The following SETBP1 variants were observed in gnomAD, a reference collection of about 807,000 sequenced individuals.
SETBP1 encodes the protein SET-binding protein.
SETBP1 carries 9 observed loss-of-function variants against 101.0 expected under a neutral mutation model. The observed-to-expected ratio is 0.09, with a 90% confidence interval of 0.05 to 0.16. The LOEUF (loss-of-function observed/expected upper bound fraction) is 0.16. SETBP1 is among the 10% of genes least tolerant of loss of function. The probability of loss-of-function intolerance (pLI) is 1.00; values close to 1 mark genes in which losing one functional copy is unlikely to be tolerated. For missense variants in SETBP1, 1,858 were observed against 2,033.8 expected (o/e 0.91, Z 1.66); for synonymous variants, 818 against 788.5 (o/e 1.04, Z -0.63).
intron 2 of SETBP1, among the ~76,000 whole-genome samples, chr18:44,849,691 AG>A (rs2072806717): frequency 6.6e-6 from 1 of 151,750 alleles, no homozygotes; most frequent in African/African-American, 2.4e-5. Context: ...AGAGAGAGAG[AG>A]AGGAGTTCAG....
Position 44,843,766 on chromosome 18 carries a change from C to T in SETBP1, c.487-25464C>T, listed in dbSNP as rs1375719320. Among the ~76,000 whole-genome samples the T allele has an allele frequency of 2.0e-5, 3 of 152,174 alleles. No individual in the cohort carries two copies. In the East Asian group the frequency reaches 5.8e-4, roughly 29 times the overall value. On this transcript the variant is annotated intron_variant, in intron 2 of 5. Transcript: ENST00000649279. ...GAAAGGTGATTCATGGTTTATCCAT[C>T]AGTTTCTCACGTGAGGCTAGGCACA... is the stretch of plus-strand genomic sequence containing the variant.
intron 3 of SETBP1, among the ~76,000 whole-genome samples, chr18:44,945,071 A>G (rs961388036): frequency 2.0e-5 from 3 of 152,212 alleles, no homozygotes; most frequent in Admixed American, 6.5e-5. Flanking sequence ...ACATATGTAT[A>G]CATGTGCCAT....
chr18:44,938,597 CG>C (rs1379667485), intron 3 of SETBP1, among the ~76,000 whole-genome samples: 1 of 152,140 alleles, frequency 6.6e-6, no homozygotes, highest in East Asian at 1.9e-4. Context: ...ACAGAGGAGG[CG>C]GGGCAGTGTT....
intron 4 of SETBP1, among the ~76,000 whole-genome samples, chr18:44,971,925 G>T (rs1205189071): frequency 6.6e-6 from 1 of 152,204 alleles, no homozygotes; most frequent in East Asian, 1.9e-4. Context: ...CATTGCTTTT[G>T]GTGTTTTAGA....
chr18:44,729,430 TTAA>T (rs2069786775), intron 2 of SETBP1, among the ~76,000 whole-genome samples: 1 of 152,212 alleles, frequency 6.6e-6, no homozygotes, highest in Non-Finnish European at 1.5e-5. Flanking sequence ...ATAAAAGGCA[TTAA>T]GCAGGTAGCA....
chr18:44,878,531 G>C (rs2069461024), intron 3 of SETBP1, among the ~76,000 whole-genome samples: 1 of 152,088 alleles, frequency 6.6e-6, no homozygotes, highest in Non-Finnish European at 1.5e-5. Flanking sequence ...ACATGACTGT[G>C]CTTTATATAT....
chr18:44,739,695 A>G (rs781170934), intron 2 of SETBP1, among the ~76,000 whole-genome samples: 27 of 152,354 alleles, frequency 1.8e-4, no homozygotes, highest in Non-Finnish European at 3.8e-4. Context: ...ACTTGTATCA[A>G]ATGAATGACA....
At chr18:44,796,337 G>A (rs952250608) in intron 2 of SETBP1, among the ~76,000 whole-genome samples, 13 of 152,198 alleles carry the variant, frequency 8.5e-5, no homozygotes, top group African/African-American at 2.7e-4. Context: ...GAGCTAGAAC[G>A]GTTCCTGCCT....
At chr18:44,811,553 C>G (rs866267092) in intron 2 of SETBP1, among the ~76,000 whole-genome samples, 1 of 152,210 alleles carries the variant, frequency 6.6e-6, no homozygotes, top group Non-Finnish European at 1.5e-5. Flanking sequence ...GACTCTGTAA[C>G]CTGTACCTGC....
Position 44,951,590 on chromosome 18 carries a change from G to A in SETBP1, c.2250G>A (p.Arg750=), listed in dbSNP as rs758841783. 1 of 1,614,100 alleles carries A rather than the reference G, an allele frequency of 6.2e-7. No individual in the cohort carries two copies. Among genetic ancestry groups the A allele is most frequent in the Non-Finnish European group, 8.5e-7 (1 of 1,180,014 alleles). Residue 750 remains arginine (R), a synonymous_variant, in exon 4 of 6, where the codon AGG becomes AGA. Coordinates refer to ENST00000649279, the MANE Select transcript of SETBP1 (RefSeq NM_015559.3). The surrounding 1 kb of genome is among the most constrained non-coding windows in gnomAD (Gnocchi z 7.8). ...EEPKTAIKHP[R]PVSSQPDVPA... is the part of the protein sequence containing the mutation. ...CCAAAACAGCCATCAAGCACCCCAG[G>A]CCTGTTTCTAGCCAGCCGGATGTTC...
chr18:44,996,344 C>T (rs544777255), intron 4 of SETBP1, among the ~76,000 whole-genome samples: 62 of 152,336 alleles, frequency 4.1e-4, no homozygotes, highest in African/African-American at 1.5e-3. Context: ...TCTCCATCTA[C>T]AAGGTACTTA....
intron 2 of SETBP1, among the ~76,000 whole-genome samples, chr18:44,754,221 T>G (rs1305914092): frequency 6.6e-6 from 1 of 152,198 alleles, no homozygotes; most frequent in Non-Finnish European, 1.5e-5. Context: ...TGAGAGCTAC[T>G]CTCTTTATGC....
intron 2 of SETBP1, among the ~76,000 whole-genome samples, chr18:44,723,848 C>T (rs2069654115): frequency 6.6e-6 from 1 of 152,092 alleles, no homozygotes; most frequent in South Asian, 2.1e-4. Flanking sequence ...TTTGAGAACC[C>T]AGCTAAATAA....
chr18:45,005,669 C>T (rs2072708558), intron 4 of SETBP1, among the ~76,000 whole-genome samples: 1 of 123,096 alleles, frequency 8.1e-6, no homozygotes, highest in African/African-American at 3.2e-5. Flanking sequence ...TTTTTTGAGA[C>T]AGAGTCTTGC....
At chr18:45,045,012 G>A (rs1384204465) in intron 5 of SETBP1, among the ~76,000 whole-genome samples, 4 of 152,120 alleles carry the variant, frequency 2.6e-5, no homozygotes, top group Admixed American at 6.5e-5. Flanking sequence ...GGCCAGGTGC[G>A]GTGGCTTATG....
At chr18:44,808,386 G>A (rs1327085494) in intron 2 of SETBP1, among the ~76,000 whole-genome samples, 1 of 152,166 alleles carries the variant, frequency 6.6e-6, no homozygotes, top group African/African-American at 2.4e-5. Context: ...TAGTTCAACT[G>A]ACATTTACCA....
Position 45,063,482 on chromosome 18 carries a change from ACCGCCGCCGCCCCTGCCGCCACCG to A in SETBP1, c.4581_4604del (p.Pro1536_Pro1543del). On this transcript the variant is annotated inframe_deletion, in exon 6 of 6. Coordinates refer to ENST00000649279, the MANE Select transcript of SETBP1 (RefSeq NM_015559.3). ...GGGAGGCGCCGCCCCTGCCCCCGCC[ACCGCCGCCGCCCCTGCCGCCACCG>A]CCGCCACCACCCCTGCCCCCGCCAC... is the stretch of plus-strand genomic sequence containing the variant. 2 of 958,652 alleles carry A rather than the reference ACCGCCGCCGCCCCTGCCGCCACCG, an allele frequency of 2.1e-6. No homozygotes were observed. The highest frequency in any genetic ancestry group is 2.6e-6 in the Non-Finnish European group (2 of 777,600). 59.4% of individuals were successfully genotyped at this position (958,652 alleles called of 1,614,324 possible). A position where few individuals can be genotyped will look rare whatever the true frequency, so the allele number is the denominator to read the frequency against.
chr18:44,798,999 G>A (rs79883917), intron 2 of SETBP1, among the ~76,000 whole-genome samples: 3,326 of 152,222 alleles, frequency 0.022, 119 homozygotes, highest in African/African-American at 0.075. Context: ...TGGTTCCTCA[G>A]TGAATCAATC....
At chr18:44,925,307 G>A (rs2070681598) in intron 3 of SETBP1, among the ~76,000 whole-genome samples, 1 of 152,028 alleles carries the variant, frequency 6.6e-6, no homozygotes, top group African/African-American at 2.4e-5. Flanking sequence ...AAGGGAAGGA[G>A]ATTGGATCCA....
Sources: allele counts gnomAD v4.1 joint callset (sites outside exome capture counted in the v4.1 genomes callset), GRCh38; gene constraint gnomAD v4.1.1; non-coding constraint Gnocchi (gnomAD v3.1); transcripts MANE v1.5; gene names NCBI Gene and HGNC (gene_info 2026-07-23, HGNC 2026-07-21).